The following CSMD1 variants were observed in gnomAD, a reference collection of about 807,000 sequenced individuals.
The protein encoded by CSMD1 is CUB and sushi domain-containing protein 1.
A neutral mutation model predicts 417.5 loss-of-function variants in CSMD1; 213 were observed. The ratio of observed to expected loss-of-function variants is 0.51; its 90% CI spans 0.46 to 0.57. CSMD1 has a LOEUF of 0.57. CSMD1 is among the 20% of genes least tolerant of loss of function. The pLI is 0.00. For missense variants in CSMD1, 6,923 were observed against 4,529.7 expected (o/e 1.53, Z -15.17); for synonymous variants, 2,862 against 1,736.8 (o/e 1.65, Z -16.11).
chr8:4,454,607 G>A lies in CSMD1; in HGVS notation c.303-34542C>T, dbSNP rs530842718. On this transcript the variant is annotated intron_variant, in intron 2 of 69. Transcript: ENST00000635120. The stretch of plus-strand genomic sequence containing the variant: ...GATTTAGGGCTGGCTGGGGAAGGAG[G>A]GCATAGCAGAAGGAAGCTGATAAAG... Among the ~76,000 whole-genome samples, 14 of 152,252 alleles carry A rather than the reference G, an allele frequency of 9.2e-5. No individual in the cohort carries two copies. The South Asian group carries it at 2.9e-3, about 32-fold the overall frequency.
At position 4,850,381 on chromosome 8, in the gene CSMD1, T is replaced by TA. The variant is rs1491193034; in HGVS notation, c.85+143950_85+143951insT. ...TTTTATTTTGATGAAATCCAATTTA[T>TA]CTTTTTTTTTTTTTTTTTTTTTTTG... On this transcript the variant is annotated intron_variant, in intron 1 of 69. Transcript: ENST00000635120. Among the ~76,000 whole-genome samples the TA allele has an allele frequency of 3.5e-3, 387 of 110,756 alleles. 2 individuals carry two copies. Among genetic ancestry groups the TA allele is most frequent in the South Asian group, 0.027 (83 of 3,132 alleles). 72.7% of individuals were successfully genotyped at this position (110,756 alleles called of 152,430 possible).
chr8:4,302,801 G>T (rs1162582169), intron 3 of CSMD1, among the ~76,000 whole-genome samples: 1 of 152,112 alleles, frequency 6.6e-6, no homozygotes, highest in Non-Finnish European at 1.5e-5. Context: ...CCCTCTACAA[G>T]CCAGAGAGTG....
intron 54 of CSMD1, among the ~76,000 whole-genome samples, chr8:2,995,940 C>T (rs75960014): frequency 0.014 from 2,206 of 152,164 alleles, 18 homozygotes; most frequent in South Asian, 0.022. Context: ...CGGAGTAAGG[C>T]GGATTCTAGT....
At chr8:3,270,690 C>T (rs533941835) in intron 26 of CSMD1, among the ~76,000 whole-genome samples, 11 of 152,072 alleles carry the variant, frequency 7.2e-5, no homozygotes, top group Admixed American at 2.6e-4. Context: ...ACATACAAAA[C>T]CATTTACTTT....
chr8:3,689,306 G>C (rs967492925), intron 7 of CSMD1, among the ~76,000 whole-genome samples: 1 of 152,122 alleles, frequency 6.6e-6, no homozygotes, highest in African/African-American at 2.4e-5. Flanking sequence ...ATTGGACTAA[G>C]CCATCTCCAG....
intron 4 of CSMD1, among the ~76,000 whole-genome samples, chr8:4,025,153 T>C (rs767008448): frequency 1.3e-5 from 2 of 152,232 alleles, no homozygotes; most frequent in Non-Finnish European, 2.9e-5. Flanking sequence ...TTTCCATGGA[T>C]GTGAGCTCCT....
At chr8:4,799,630 T>TAAAAAAAAAA (rs1798170891) in intron 1 of CSMD1, among the ~76,000 whole-genome samples, 1 of 77,824 alleles carries the variant, frequency 1.3e-5, no homozygotes, top group African/African-American at 4.6e-5. Context: ...AAAAAAAAAG[T>TAAAAAAAAAA]AATCCCTGGG....
chr8:4,084,236 C>A (rs1275879044), intron 3 of CSMD1, among the ~76,000 whole-genome samples: 1 of 150,550 alleles, frequency 6.6e-6, no homozygotes, highest in Non-Finnish European at 1.5e-5. Context: ...AGTAGTAATC[C>A]CTTACTACAA....
At chr8:3,510,183 G>C (rs4875728) in intron 10 of CSMD1, among the ~76,000 whole-genome samples, 2 of 149,614 alleles carry the variant, frequency 1.3e-5, no homozygotes, top group Admixed American at 1.3e-4. Flanking sequence ...GGCAAGTAGG[G>C]TGTGCTGTAC....
chr8:3,343,475 CCCTCTATG>C (rs747861406), intron 22 of CSMD1, 25 bp from the exon 23 acceptor site: 2 of 1,593,560 alleles, frequency 1.3e-6, no homozygotes, highest in South Asian at 2.2e-5. Context: ...CAGCATGAGT[CCCTCTATG>C]CCTTCACTGG....
chr8:4,902,085 T>A (rs1804910981), intron 1 of CSMD1, among the ~76,000 whole-genome samples: 1 of 152,198 alleles, frequency 6.6e-6, no homozygotes, highest in Non-Finnish European at 1.5e-5. Context: ...TGTGTATATT[T>A]GTTGATTTTC....
At chr8:3,275,103 A>G (rs190238598) in intron 26 of CSMD1, among the ~76,000 whole-genome samples, 501 of 151,828 alleles carry the variant, frequency 3.3e-3, no homozygotes, top group Non-Finnish European at 5.9e-3. Context: ...TTCCTTCAGG[A>G]GCTCTGTTAG....
At chr8:3,101,055 G>T (rs1815699029) in intron 46 of CSMD1, among the ~76,000 whole-genome samples, 1 of 140,436 alleles carries the variant, frequency 7.1e-6, no homozygotes, top group African/African-American at 2.6e-5. Context: ...TACGTATGGT[G>T]TTTTTTTTTT....
chr8:3,987,196 A>C (rs914032865), intron 5 of CSMD1, among the ~76,000 whole-genome samples: 1 of 152,156 alleles, frequency 6.6e-6, no homozygotes, highest in African/African-American at 2.4e-5. Flanking sequence ...TACTTTACAC[A>C]CACCGTGCCC....
intron 5 of CSMD1, among the ~76,000 whole-genome samples, chr8:3,836,101 A>G (rs1209816001): frequency 2.6e-5 from 4 of 152,048 alleles, no homozygotes; most frequent in Non-Finnish European, 2.9e-5. Context: ...ACTTTTACCT[A>G]TGTAAAACCA....
intron 1 of CSMD1, among the ~76,000 whole-genome samples, chr8:4,873,823 T>A (rs1312108660): frequency 6.6e-6 from 1 of 152,140 alleles, no homozygotes; most frequent in Non-Finnish European, 1.5e-5. Context: ...TCTTATAAGT[T>A]GTTTTATATT....
intron 50 of CSMD1, among the ~76,000 whole-genome samples, chr8:3,048,139 G>C (rs1283419741): frequency 2.0e-5 from 3 of 152,198 alleles, no homozygotes; most frequent in African/African-American, 7.2e-5. Context: ...TTTCTATTTA[G>C]CTTTAAATGT....
At chr8:4,018,997 A>G (rs913892320) in intron 4 of CSMD1, among the ~76,000 whole-genome samples, 1 of 152,230 alleles carries the variant, frequency 6.6e-6, no homozygotes, top group African/African-American at 2.4e-5. Flanking sequence ...TGATTACCAC[A>G]CTTTCTTAAA....
At chr8:3,205,979 A>T (rs919829304) in intron 30 of CSMD1, among the ~76,000 whole-genome samples, 2 of 152,170 alleles carry the variant, frequency 1.3e-5, no homozygotes, top group Middle Eastern at 3.2e-3. Context: ...TCCTCATATT[A>T]ACTTAAGAGA....
Sources: allele counts gnomAD v4.1 joint callset (sites outside exome capture counted in the v4.1 genomes callset), GRCh38; gene constraint gnomAD v4.1.1; transcripts MANE v1.5; gene names NCBI Gene and HGNC (gene_info 2026-07-23, HGNC 2026-07-21).